The following TRIM49C variants were observed in gnomAD, a reference collection of about 807,000 sequenced individuals.
TRIM49C encodes tripartite motif-containing protein 49C.
TRIM49C carries 6 observed loss-of-function variants against 21.4 expected under a neutral mutation model. That is an observed-to-expected ratio of 0.28 (90% CI 0.15 to 0.55). TRIM49C has a LOEUF of 0.55. Among genes scored for constraint, TRIM49C ranks in the 20% least tolerant of loss-of-function variants. The probability of loss-of-function intolerance (pLI) is 0.94; values close to 1 mark genes in which losing one functional copy is unlikely to be tolerated. For missense variants in TRIM49C, 161 were observed against 442.4 expected (o/e 0.36, Z 5.71); for synonymous variants, 57 against 148.1 (o/e 0.38, Z 4.47).
rs1211140390 is a variant in TRIM49C, at chr11:90,032,303, G to A, written c.-190-94G>A. Reference sequence around the variant, plus strand: ...TGATAATTTAATCAGAGCTGCAAAGGTGTGTTCTAAATACTGCATAAACCT... The same window carrying A: ...TGATAATTTAATCAGAGCTGCAAAGATGTGTTCTAAATACTGCATAAACCT... On this transcript the variant is annotated intron_variant, in intron 1 of 7. Transcript: ENST00000448984. 3.0e-5 allele frequency: 4 copies of A among 131,576 alleles called. 1 individual carries two copies. The highest frequency in any genetic ancestry group is 4.8e-5 in the Non-Finnish European group (3 of 61,900). 8.2% of individuals were successfully genotyped at this position (131,576 alleles called of 1,614,324 possible).
chr11:90,062,339 A>T, the TRIM49C span, among the ~76,000 whole-genome samples: 1 of 131,578 alleles, frequency 7.6e-6, no homozygotes, highest in Non-Finnish European at 1.6e-5. Flanking sequence ...GCTGGCCACC[A>T]GCTCCACAGC....
chr11:90,048,597 G>A, the TRIM49C span, among the ~76,000 whole-genome samples: 1 of 133,546 alleles, frequency 7.5e-6, no homozygotes, highest in African/African-American at 3.0e-5. Flanking sequence ...TAGTTCTCCT[G>A]CCATGGTTTT....
In TRIM49C at chr11:90,041,231, T is replaced by C. The variant is rs2134824288; in HGVS notation, c.1040T>C (p.Val347Ala). The C allele has an allele frequency of 2.5e-6, 4 of 1,587,726 alleles. No homozygotes were observed. In the East Asian group the frequency reaches 9.1e-5, roughly 36 times the overall value. ...GGCAAATATTACTGGGAGGTCCATG[T>C]AGGGGACTCCTGGAATTGGGCTTTT... ...TSGKYYWEVH[V>A]GDSWNWAFGV... The change falls in exon 8 of 8, where the codon GTA becomes GCA. Residue 347 changes from valine (V) to alanine (A), a missense_variant. Physicochemically the swap from Val to Ala is moderately conservative, Grantham distance 64. Around this residue, in one of 3 missense-constraint regions of TRIM49C, gnomAD observed 63 missense variants for 67.6 expected, o/e 0.93. Coordinates refer to ENST00000448984, the MANE Select transcript of TRIM49C (RefSeq NM_001195234.1).
chr11:90,044,046 G>T (rs1408811642), downstream of TRIM49C, among the ~76,000 whole-genome samples: 1 of 45,594 alleles, frequency 2.2e-5, no homozygotes, highest in Non-Finnish European at 3.8e-5. Context: ...TCGTCCTTGT[G>T]ATAGTTTGCT....
At chr11:90,067,862 G>T in the TRIM49C span, among the ~76,000 whole-genome samples, 52 of 137,356 alleles carry the variant, frequency 3.8e-4, no homozygotes, top group Admixed American at 2.3e-3. Context: ...AGGGTTTTCA[G>T]CCTCATCATT....
At chr11:90,038,861 A>C in intron 6 of TRIM49C, 146 bp downstream of exon 6, 1 of 446,368 alleles carries the variant, frequency 2.2e-6, no homozygotes, top group Non-Finnish European at 4.0e-6. Flanking sequence ...TTAAAAGACA[A>C]GGCCACGAAG....
In TRIM49C at chr11:90,037,203, A is replaced by T. The variant is rs1223671770; in HGVS notation, c.508-546A>T. ...TTGGAGGCCGGAGGAACCACAAAGA[A>T]GTCTATGTTTCAGACTGGGATGACT... On this transcript the variant is annotated intron_variant, in intron 4 of 7. Coordinates refer to ENST00000448984, the MANE Select transcript of TRIM49C (RefSeq NM_001195234.1). Among the ~76,000 whole-genome samples the T allele has an allele frequency of 2.9e-5, 4 of 135,814 alleles. 2 individuals are homozygous for T. Among genetic ancestry groups the T allele is most frequent in the Non-Finnish European group, 6.4e-5 (4 of 62,582 alleles). The allele number at this position is 135,814 out of a possible 152,430, so 89.1% of individuals were successfully genotyped here.
chr11:90,063,271 G>A, the TRIM49C span, among the ~76,000 whole-genome samples: 2 of 126,494 alleles, frequency 1.6e-5, 1 homozygote, highest in African/African-American at 6.4e-5. Context: ...TTAGTAAGCG[G>A]TGTGGGATTT....
chr11:90,073,495 G>T, the TRIM49C span: 8 of 372,504 alleles, frequency 2.1e-5, no homozygotes, highest in East Asian at 3.9e-4. Context: ...TTCTACTTTA[G>T]TGTCACTTCA....
At chr11:90,063,100 C>T in the TRIM49C span, 1 of 945,678 alleles carries the variant, frequency 1.1e-6, no homozygotes, top group East Asian at 2.7e-5. Context: ...TCTTTGTCTA[C>T]TTGAGCTCTG....
In TRIM49C at chr11:90,035,717, C is replaced by A. The variant is rs1950723829; in HGVS notation, c.411+95C>A. The A allele has an allele frequency of 2.1e-5, 28 of 1,354,468 alleles. 9 individuals carry two copies. Among genetic ancestry groups the A allele is most frequent in the Non-Finnish European group, 1.2e-5 (12 of 1,037,488 alleles). The allele number at this position is 1,354,468 out of a possible 1,614,324, so 83.9% of individuals were successfully genotyped here. On this transcript the variant is annotated intron_variant, in intron 3 of 7. Coordinates refer to ENST00000448984, the MANE Select transcript of TRIM49C (RefSeq NM_001195234.1). ...AGATTAGGTAAAGCCAACTCTGAGT[C>A]CCTTTAAGCAGCTCTGTTTGGGCTT...
the TRIM49C span, among the ~76,000 whole-genome samples, chr11:90,065,601 G>T: frequency 4.9e-4 from 69 of 140,928 alleles, 9 homozygotes; most frequent in Non-Finnish European, 9.3e-5. Context: ...AGGGCTCAAA[G>T]CTCAACAGAC....
At chr11:90,071,633 T>C in the TRIM49C span, 1 of 910,264 alleles carries the variant, frequency 1.1e-6, no homozygotes, top group Non-Finnish European at 1.6e-6. Flanking sequence ...GCATTTTCTG[T>C]TGGAATCTAT....
downstream of TRIM49C, among the ~76,000 whole-genome samples, chr11:90,045,522 A>G (rs1174189464): frequency 2.6e-4 from 15 of 56,996 alleles, 1 homozygote; most frequent in Non-Finnish European, 4.5e-4. Context: ...TAGGTATTTT[A>G]TTCTCTTTGA....
chr11:90,065,624 A>C, the TRIM49C span, among the ~76,000 whole-genome samples: 9 of 141,238 alleles, frequency 6.4e-5, 1 homozygote, highest in African/African-American at 2.3e-4. Flanking sequence ...GTTTGGAATG[A>C]GACGCAAGAA....
At position 90,041,271 on chromosome 11, in the gene TRIM49C, G is replaced by A. The variant is rs781132154; in HGVS notation, c.1080G>A (p.Met360Ile). The A allele has an allele frequency of 1.8e-5, 29 of 1,580,436 alleles. 5 individuals are homozygous for A. Among genetic ancestry groups the A allele is most frequent in the Non-Finnish European group, 2.5e-5 (29 of 1,159,114 alleles). ...ATTGGGCTTTTGGTGTCTGTAATAT[G>A]TATCGGAAGGAGAAGAATCAGAATG... The part of the protein sequence containing the change: ...SWNWAFGVCN[M>I]YRKEKNQNEK... The change falls in exon 8 of 8, where the codon ATG (methionine) becomes ATA (isoleucine). Residue 360 changes from methionine (M) to isoleucine (I), a missense_variant. Physicochemically the swap from Met to Ile is conservative, Grantham distance 10. Around this residue, in one of 3 missense-constraint regions of TRIM49C, gnomAD observed 63 missense variants for 67.6 expected, o/e 0.93. Transcript: ENST00000448984.
chr11:90,060,788 T>TG, the TRIM49C span, among the ~76,000 whole-genome samples: 1 of 58,780 alleles, frequency 1.7e-5, no homozygotes, highest in African/African-American at 6.0e-5. Flanking sequence ...ATGATCTCTC[T>TG]TGTGGATAGT....
chr11:90,069,166 A>G, the TRIM49C span, among the ~76,000 whole-genome samples: 29,484 of 116,816 alleles, frequency 0.25, 7,612 homozygotes, highest in African/African-American at 0.48. Flanking sequence ...GTGCAGTGGC[A>G]CAATCTTGGC....
At position 90,038,644 on chromosome 11, in the gene TRIM49C, A is replaced by T. The variant is rs560630222; in HGVS notation, c.739-49A>T. On this transcript the variant is annotated intron_variant, in intron 5 of 7. Coordinates refer to ENST00000448984, the MANE Select transcript of TRIM49C (RefSeq NM_001195234.1). Reference sequence around the variant, plus strand: ...AATCTCACACTGAACTTAGTGAAAGATGCATCTTGTGAAATGCACTAAATC... The same window carrying T: ...AATCTCACACTGAACTTAGTGAAAGTTGCATCTTGTGAAATGCACTAAATC... The T allele has an allele frequency of 2.3e-4, 164 of 711,114 alleles. 24 individuals carry two copies. The South Asian group carries it at 3.0e-3, about 13-fold the overall frequency. The allele number at this position is 711,114 out of a possible 1,614,324, so 44.1% of individuals were successfully genotyped here. A position where few individuals can be genotyped will look rare whatever the true frequency, so the allele number is the denominator to read the frequency against.
Sources: allele counts gnomAD v4.1 joint callset (sites outside exome capture counted in the v4.1 genomes callset), GRCh38; gene constraint gnomAD v4.1.1; regional missense constraint gnomAD v4.1.1; transcripts MANE v1.5; gene names NCBI Gene and HGNC (gene_info 2026-07-23, HGNC 2026-07-21).